Variants in VWCE observed in about 807,000 individuals in gnomAD.
The protein encoded by VWCE is von Willebrand factor C and EGF domains.
In VWCE, 68 loss-of-function variants were observed where a neutral mutation model predicts 102.9. The ratio of observed to expected loss-of-function variants is 0.66; its 90% CI spans 0.54 to 0.81. VWCE has a LOEUF of 0.81. Among genes scored for constraint, VWCE ranks in the 30% least tolerant of loss-of-function variants. VWCE has a pLI of 0.00. For missense variants in VWCE, 1,137 were observed against 1,263.6 expected (o/e 0.90, Z 1.52); for synonymous variants, 497 against 515.4 (o/e 0.96, Z 0.48).
At chr11:61,272,436 GAC>G (rs1565221196) in intron 13 of VWCE, among the ~76,000 whole-genome samples, 3 of 147,268 alleles carry the variant, frequency 2.0e-5, no homozygotes. Context: ...CACAAAAACA[GAC>G]ACATAACATA....
intron 14 of VWCE, 116 bp downstream of exon 14, chr11:61,271,559 G>A: frequency 1.1e-6 from 1 of 940,926 alleles, no homozygotes. Flanking sequence ...GACAGCACCG[G>A]AGGGAGACTG....
Position 61,258,856 on chromosome 11 carries a change from G to C in VWCE, c.2687C>G (p.Thr896Arg). 1 of 1,518,046 alleles carries C rather than the reference G, an allele frequency of 6.6e-7. No homozygotes were observed. The highest frequency in any genetic ancestry group is 8.8e-7 in the Non-Finnish European group (1 of 1,135,306). 94.0% of individuals were successfully genotyped at this position (1,518,046 alleles called of 1,614,324 possible). Residue 896 changes from threonine to arginine, a missense_variant, in exon 20 of 20, where the codon ACG becomes AGG. Around this residue, in one of 5 missense-constraint regions of VWCE, gnomAD observed 316 missense variants for 319.3 expected, o/e 0.99. Transcript: ENST00000335613. ...CATCATGGAAAGTGCTGAAGCTTCC[G>C]TCAGGAGGGTGCCAGGCAGAGGAGG... ...RWPPLPGTLL[T>R]EASALSMMDP... is the part of the protein sequence containing the mutation.
rs534240799 is a variant in VWCE, at chr11:61,263,374, C to T, written c.2230+1113G>A. Among the ~76,000 whole-genome samples the T allele has an allele frequency of 7.5e-4, 113 of 151,320 alleles. 1 individual carries two copies. The highest frequency in any genetic ancestry group is 2.6e-3 in the African/African-American group (109 of 41,202). ...TGAAACTGGAGGACATTATGCTAAG[C>T]GAAATAAGCCAGACACACAAAGACA... On this transcript the variant is annotated intron_variant, in intron 19 of 19. Transcript: ENST00000335613.
intron 10 of VWCE, 46 bp from the exon 11 acceptor site, chr11:61,276,726 A>G (rs1854929059): frequency 1.3e-6 from 2 of 1,488,082 alleles, no homozygotes; most frequent in Non-Finnish European, 9.1e-7. Flanking sequence ...GGTGTGGAAC[A>G]GGGTTCATTC....
intron 14 of VWCE, chr11:61,271,070 C>G (rs746761105): frequency 6.5e-6 from 1 of 153,582 alleles, no homozygotes; most frequent in Non-Finnish European, 1.4e-5. Flanking sequence ...GTCTCAAATT[C>G]CTGGGCTCAA....
intron 15 of VWCE, among the ~76,000 whole-genome samples, chr11:61,268,480 G>A (rs1423146592): frequency 6.6e-6 from 1 of 152,204 alleles, no homozygotes; most frequent in East Asian, 1.9e-4. Context: ...CTTGAACCCG[G>A]GAGGTGGAGG....
intron 5 of VWCE, 90 bp from the exon 6 acceptor site, chr11:61,282,995 C>G: frequency 1.8e-6 from 2 of 1,115,268 alleles, no homozygotes; most frequent in Non-Finnish European, 2.7e-6. Flanking sequence ...TCTCCATCTC[C>G]TATACACACA....
chr11:61,278,314 T>A, intron 10 of VWCE, 80 bp downstream of exon 10: 1 of 1,468,716 alleles, frequency 6.8e-7, no homozygotes, highest in Non-Finnish European at 9.5e-7. Flanking sequence ...ACCTTTAACA[T>A]CCGGTCTTTT....
chr11:61,281,711 C>T lies in VWCE; in HGVS notation c.787+75G>A, dbSNP rs543846029. On this transcript the variant is annotated intron_variant, in intron 7 of 19. Transcript: ENST00000335613. ...GAGGGCGTGACGGGGAGGGGCCAGGCTATGGGGGGGCGTAGCTGGGGCAGG... is the reference window on the plus strand; with the variant it reads ...GAGGGCGTGACGGGGAGGGGCCAGGTTATGGGGGGGCGTAGCTGGGGCAGG... 29 of 1,493,888 alleles carry T rather than the reference C, an allele frequency of 1.9e-5. No individual in the cohort carries two copies. The East Asian group carries it at 4.2e-4, about 21-fold the overall frequency. 92.5% of individuals were successfully genotyped at this position (1,493,888 alleles called of 1,614,324 possible). A position where few individuals can be genotyped will look rare whatever the true frequency, so the allele number is the denominator to read the frequency against.
rs765630034 is a variant in VWCE, at chr11:61,281,181, G to T, written c.842C>A (p.Pro281Gln). 2 of 1,613,286 alleles carry T rather than the reference G, an allele frequency of 1.2e-6. No homozygotes were observed. Among genetic ancestry groups the T allele is most frequent in the African/African-American group, 1.3e-5 (1 of 74,876 alleles). Residue 281 changes from proline (P) to glutamine (Q), a missense_variant, in exon 8 of 20, where the codon CCG becomes CAG. Around this residue, in one of 5 missense-constraint regions of VWCE, gnomAD observed 575 missense variants for 625.9 expected, o/e 0.92. Transcript: ENST00000335613. ...PSAILQPRQH[P>Q]SKMLLLLPEA... ...AGGAAGCAACAGAAGCATCTTGGAC[G>T]GGTGTTGCCGGGGTTGCAGGATGGC...
At chr11:61,276,499 C>T (rs1051886239) in intron 11 of VWCE, 94 bp downstream of exon 11, 120 of 969,868 alleles carry the variant, frequency 1.2e-4, no homozygotes, top group Non-Finnish European at 1.7e-4. Context: ...AGGAGGACCA[C>T]CTGAGGCTCA....
intron 5 of VWCE, 82 bp downstream of exon 5, chr11:61,286,232 C>A (rs1855315050): frequency 6.0e-6 from 8 of 1,330,520 alleles, no homozygotes; most frequent in Non-Finnish European, 8.5e-6. Context: ...GAGCACACTG[C>A]ACTGGGCATG....
intron 14 of VWCE, chr11:61,269,507 G>T (rs536519807): frequency 3.0e-4 from 47 of 155,906 alleles, no homozygotes; most frequent in Admixed American, 4.2e-4. Context: ...GTGCAATGGC[G>T]CAATCTTGGC....
chr11:61,290,239 C>T (rs1231287501), intron 4 of VWCE, among the ~76,000 whole-genome samples: 3 of 151,988 alleles, frequency 2.0e-5, no homozygotes, highest in Admixed American at 6.6e-5. Flanking sequence ...GGGCTGGGTG[C>T]GGTGGCTCAC....
Position 61,278,387 on chromosome 11 carries a change from C to T in VWCE, c.1407+7G>A, listed in dbSNP as rs377325524. ...CCACGAGGCTTTGAGGATCTTGTGA[C>T]GCTTACCAGACAGACACAGACGGTG... On this transcript the variant is annotated splice_region_variant and intron_variant, in intron 10 of 19. Coordinates refer to ENST00000335613, the MANE Select transcript of VWCE (RefSeq NM_152718.2). 2.1e-5 allele frequency: 34 copies of T among 1,614,062 alleles called. No homozygotes were observed. The highest frequency in any genetic ancestry group is 1.1e-4 in the East Asian group (5 of 44,884).
At chr11:61,276,184 G>T (rs1430595490) in intron 11 of VWCE, among the ~76,000 whole-genome samples, 1 of 151,908 alleles carries the variant, frequency 6.6e-6, no homozygotes, top group African/African-American at 2.4e-5. Flanking sequence ...AAGGCAGGTG[G>T]ATCACCTGAG....
rs745570177 is a variant in VWCE, at chr11:61,267,434, G to A, written c.1965+28C>T. ...GTCAGTTGTGGGGGAGTTTCCAGGG[G>A]CGGGAGTCAGATCTGGGTGGTCCAT... is the stretch of plus-strand genomic sequence containing the variant. On this transcript the variant is annotated intron_variant, in intron 16 of 19. Coordinates refer to ENST00000335613, the MANE Select transcript of VWCE (RefSeq NM_152718.2). 3 of 1,610,342 alleles carry A rather than the reference G, an allele frequency of 1.9e-6. No individual in the cohort carries two copies. In the South Asian group the frequency reaches 3.3e-5, roughly 18 times the overall value.
intron 13 of VWCE, 68 bp from the exon 14 acceptor site, chr11:61,271,828 G>T: frequency 7.2e-7 from 1 of 1,380,910 alleles, no homozygotes; most frequent in Non-Finnish European, 1.0e-6. Flanking sequence ...AAGGACAGAT[G>T]CCTCATGCGC....
At chr11:61,284,857 C>T (rs1041320839) in intron 5 of VWCE, among the ~76,000 whole-genome samples, 6 of 151,780 alleles carry the variant, frequency 4.0e-5, no homozygotes, top group African/African-American at 1.2e-4. Context: ...GTTGGAGGAT[C>T]GCTTGAACCC....
Sources: allele counts gnomAD v4.1 joint callset (sites outside exome capture counted in the v4.1 genomes callset), GRCh38; gene constraint gnomAD v4.1.1; regional missense constraint gnomAD v4.1.1; transcripts MANE v1.5; gene names NCBI Gene and HGNC (gene_info 2026-07-23, HGNC 2026-07-21).